Variants in LIN7A observed in about 807,000 individuals in gnomAD.
LIN7A encodes lin-7 cell polarity scaffold A, also known as protein lin-7 homolog A.
Under a neutral mutation model 29.8 loss-of-function variants are expected in LIN7A, and 25 were observed. The observed-to-expected ratio is 0.84, with a 90% CI of 0.61 to 1.17. The LOEUF (loss-of-function observed/expected upper bound fraction) is 1.17. Among genes scored for constraint, LIN7A ranks in the 50% most tolerant of loss-of-function variants. LIN7A has a pLI of 0.00. For missense variants in LIN7A, 239 were observed against 287.0 expected (o/e 0.83, Z 1.21); for synonymous variants, 118 against 107.5 (o/e 1.10, Z -0.60).
At chr12:80,850,344 A>C (rs1193401836) in intron 2 of LIN7A, among the ~76,000 whole-genome samples, 4 of 152,198 alleles carry the variant, frequency 2.6e-5, no homozygotes, top group African/African-American at 9.6e-5. Flanking sequence ...TAAATAAGAT[A>C]AGAACAATTT....
intron 1 of LIN7A, among the ~76,000 whole-genome samples, chr12:80,908,378 A>G (rs1876590274): frequency 6.6e-6 from 1 of 152,120 alleles, no homozygotes; most frequent in Admixed American, 6.6e-5. Context: ...ACGAGTTATA[A>G]TAAAATTTGA....
At chr12:80,899,740 C>T (rs1201597364) in intron 1 of LIN7A, among the ~76,000 whole-genome samples, 2 of 148,748 alleles carry the variant, frequency 1.3e-5, no homozygotes, top group African/African-American at 4.9e-5. Context: ...GGAATTTATC[C>T]ATTTCCTCTA....
intron 1 of LIN7A, among the ~76,000 whole-genome samples, chr12:80,934,805 G>C (rs891926968): frequency 2.6e-5 from 4 of 152,136 alleles, no homozygotes; most frequent in Non-Finnish European, 5.9e-5. Context: ...TAAAATTGTG[G>C]ATTATATATT....
At chr12:80,821,597 A>G (rs2121520242) in intron 4 of LIN7A, among the ~76,000 whole-genome samples, 1 of 152,326 alleles carries the variant, frequency 6.6e-6, no homozygotes, top group Non-Finnish European at 1.5e-5. Flanking sequence ...ATGTGATTGC[A>G]GCTGCAGCCA....
chr12:80,883,823 T>A (rs138484760), intron 2 of LIN7A, among the ~76,000 whole-genome samples: 2 of 152,212 alleles, frequency 1.3e-5, no homozygotes, highest in Non-Finnish European at 2.9e-5. Context: ...CACTACTCTA[T>A]GAACTTAGCT....
At chr12:80,901,787 C>T (rs922352823) in intron 1 of LIN7A, among the ~76,000 whole-genome samples, 2 of 152,080 alleles carry the variant, frequency 1.3e-5, no homozygotes, top group African/African-American at 4.8e-5. Context: ...TGCTGTAAAG[C>T]TCCTTAATAA....
intron 2 of LIN7A, among the ~76,000 whole-genome samples, chr12:80,862,289 T>C (rs1285656523): frequency 6.6e-6 from 1 of 152,220 alleles, no homozygotes; most frequent in African/African-American, 2.4e-5. Context: ...TACAACTGTA[T>C]ACCTAGGTCT....
chr12:80,884,617 G>T (rs1032655512), intron 2 of LIN7A, among the ~76,000 whole-genome samples: 5 of 152,182 alleles, frequency 3.3e-5, no homozygotes, highest in African/African-American at 9.6e-5. Context: ...ACCATAGATA[G>T]CTTTAGATAG....
At chr12:80,922,735 T>G (rs2120890191) in intron 1 of LIN7A, among the ~76,000 whole-genome samples, 1 of 152,286 alleles carries the variant, frequency 6.6e-6, no homozygotes, top group Non-Finnish European at 1.5e-5. Flanking sequence ...TGTCCAAAAA[T>G]ATTAAATGGA....
Position 80,845,520 on chromosome 12 carries a change from C to G in LIN7A, c.483+210G>C, listed in dbSNP as rs1873029838. Reference sequence around the variant, plus strand: ...TTTCCTGGGATGTTTTTTCAACTCACTGATATTTATCATAACTGAACATAA... The same window carrying G: ...TTTCCTGGGATGTTTTTTCAACTCAGTGATATTTATCATAACTGAACATAA... On this transcript the variant is annotated intron_variant, in intron 4 of 5. Transcript: ENST00000552864. 2.1e-5 allele frequency: 9 copies of G among 427,444 alleles called. No homozygotes were observed. The East Asian group carries it at 3.3e-4, about 16-fold the overall frequency. The allele number at this position is 427,444 out of a possible 1,614,324, so 26.5% of individuals were successfully genotyped here.
rs3072333 is a variant in LIN7A, at chr12:80,820,630, T to TACACACACACACACACACACACACAC, written c.484-8973_484-8948dup. Among the ~76,000 whole-genome samples the TACACACACACACACACACACACACAC allele has an allele frequency of 9.4e-4, 139 of 147,516 alleles. 1 individual carries two copies. Among genetic ancestry groups the TACACACACACACACACACACACACAC allele is most frequent in the African/African-American group, 3.3e-3 (133 of 39,920 alleles). On this transcript the variant is annotated intron_variant, in intron 4 of 5. Coordinates refer to ENST00000552864, the MANE Select transcript of LIN7A (RefSeq NM_004664.4). Reference sequence around the variant, plus strand: ...GATGGTTGTTGGAATGAAGATTAAATACACACACACACACACACACACACA... The same window carrying TACACACACACACACACACACACACAC: ...GATGGTTGTTGGAATGAAGATTAAATACACACACACACACACACACACACACACACACACACACACACACACACACA...
chr12:80,797,742 A>G lies in LIN7A; in HGVS notation c.*1-16T>C, dbSNP rs958097138. The G allele has an allele frequency of 9.2e-5, 14 of 152,652 alleles. No individual in the cohort carries two copies. Among genetic ancestry groups the G allele is most frequent in the Admixed American group, 3.3e-4 (5 of 15,280 alleles). The allele number at this position is 152,652 out of a possible 1,614,324, so 9.5% of individuals were successfully genotyped here. A position where few individuals can be genotyped will look rare whatever the true frequency, so the allele number is the denominator to read the frequency against. Reference sequence around the variant, plus strand: ...CCTCAAGGGCCTGAAAGAGAAAAAGAGTGAAGAGAAATCAGTGATTAGTAT... The same window carrying G: ...CCTCAAGGGCCTGAAAGAGAAAAAGGGTGAAGAGAAATCAGTGATTAGTAT... On this transcript the variant is annotated splice_polypyrimidine_tract_variant and intron_variant, in intron 5 of 5. Coordinates refer to ENST00000552864, the MANE Select transcript of LIN7A (RefSeq NM_004664.4).
intron 1 of LIN7A, among the ~76,000 whole-genome samples, chr12:80,912,544 G>A (rs557873574): frequency 2.0e-5 from 3 of 151,538 alleles, no homozygotes; most frequent in South Asian, 2.1e-4. Flanking sequence ...GTGAAACCTC[G>A]TCTCTACAAA....
At chr12:80,854,399 AC>A (rs1406467756) in intron 2 of LIN7A, among the ~76,000 whole-genome samples, 2 of 144,860 alleles carry the variant, frequency 1.4e-5, no homozygotes, top group Non-Finnish European at 3.0e-5. Context: ...GCATAGTGAG[AC>A]CCCATCTCTA....
intron 2 of LIN7A, among the ~76,000 whole-genome samples, chr12:80,883,006 A>G (rs187489271): frequency 1.7e-4 from 26 of 152,132 alleles, no homozygotes; most frequent in Non-Finnish European, 2.8e-4. Context: ...CTTTTCCATT[A>G]TATTACAATA....
At chr12:80,906,584 T>C (rs542749696) in intron 1 of LIN7A, among the ~76,000 whole-genome samples, 87 of 152,136 alleles carry the variant, frequency 5.7e-4, no homozygotes, top group African/African-American at 2.1e-3. Context: ...GTCTGGCTCC[T>C]GTCTAATCAC....
intron 2 of LIN7A, among the ~76,000 whole-genome samples, chr12:80,863,790 T>G (rs1398702772): frequency 6.6e-6 from 1 of 152,200 alleles, no homozygotes; most frequent in South Asian, 2.1e-4. Flanking sequence ...ATACCCCATC[T>G]GGTGGTATGG....
At chr12:80,887,558 G>GGAA (rs978317971) in intron 2 of LIN7A, among the ~76,000 whole-genome samples, 1 of 152,036 alleles carries the variant, frequency 6.6e-6, no homozygotes, top group Admixed American at 6.6e-5. Flanking sequence ...TCTTCTGCCT[G>GGAA]GAACACTATG....
At chr12:80,841,834 G>C (rs552448158) in intron 4 of LIN7A, 1 of 946,120 alleles carries the variant, frequency 1.1e-6, no homozygotes, top group East Asian at 1.1e-4. Flanking sequence ...AGCATAAAAG[G>C]GTGAAAAGGA....
Sources: allele counts gnomAD v4.1 joint callset (sites outside exome capture counted in the v4.1 genomes callset), GRCh38; gene constraint gnomAD v4.1.1; transcripts MANE v1.5; gene names NCBI Gene and HGNC (gene_info 2026-07-23, HGNC 2026-07-21).